The following ACE variants were observed in gnomAD, a reference collection of about 807,000 sequenced individuals.
The protein encoded by ACE is angiotensin-converting enzyme.
Under a neutral mutation model 162.3 loss-of-function variants are expected in ACE, and 122 were observed. That is an observed-to-expected ratio of 0.75 (90% CI 0.65 to 0.87). The LOEUF (loss-of-function observed/expected upper bound fraction) is 0.87. ACE is among the 40% of genes least tolerant of loss of function. The pLI, the probability that ACE is intolerant of heterozygous loss-of-function variation, is 0.00. For synonymous variants in ACE, 796 were observed against 720.6 expected (o/e 1.10, Z -1.68); for missense variants, 1,799 against 1,735.1 (o/e 1.04, Z -0.65).
At chr17:63,485,212 G>C in intron 12 of ACE, 24 bp from the exon 13 acceptor site, 2 of 1,613,968 alleles carry the variant, frequency 1.2e-6, no homozygotes, top group South Asian at 1.1e-5. Flanking sequence ...AGGTTTGTCT[G>C]TTTCCCTGCA....
intron 19 of ACE, among the ~76,000 whole-genome samples, chr17:63,493,021 C>A (rs189405240): frequency 1.3e-5 from 2 of 152,208 alleles, no homozygotes; most frequent in African/African-American, 2.4e-5. Flanking sequence ...CGCCCACTCT[C>A]ACCCCTGACA....
Position 63,484,798 on chromosome 17 carries a change from A to G in ACE, c.1921+257A>G. ...AGGAAGCCAGACACAAGGCTCTGTG[A>G]GGTCACACTGCGGGCTCCGCTCTTA... On this transcript the variant is annotated intron_variant, in intron 12 of 24. Coordinates refer to ENST00000290866, the MANE Select transcript of ACE (RefSeq NM_000789.4). The surrounding 1 kb of genome is among the most constrained non-coding windows in gnomAD (Gnocchi z 4.0). 6.7e-7 allele frequency: 1 copy of G among 1,496,142 alleles called. No homozygotes were observed. The allele number at this position is 1,496,142 out of a possible 1,614,324, so 92.7% of individuals were successfully genotyped here. A position where few individuals can be genotyped will look rare whatever the true frequency, so the allele number is the denominator to read the frequency against.
At chr17:63,480,250 C>T (rs1446223742) in intron 4 of ACE, 87 bp from the exon 5 acceptor site, 7 of 1,441,220 alleles carry the variant, frequency 4.9e-6, no homozygotes, top group Non-Finnish European at 6.7e-6. Context: ...CCACGGGCCT[C>T]GAGCCAGTGG....
intron 5 of ACE, among the ~76,000 whole-genome samples, chr17:63,480,826 G>A (rs988808555): frequency 1.3e-5 from 2 of 152,248 alleles, no homozygotes; most frequent in African/African-American, 2.4e-5. Flanking sequence ...AAGGAAACAA[G>A]CACTGTGGCC....
Position 63,493,673 on chromosome 17 carries a change from G to C in ACE, c.3136+14G>C, listed in dbSNP as rs367949062. On this transcript the variant is annotated intron_variant, in intron 20 of 24. Transcript: ENST00000290866. ...GTGGCAGCGACGGTGAGAGAGAAGC[G>C]GGAGGCCCTGGTGGGCTGAGGACCA... The C allele has an allele frequency of 6.2e-7, 1 of 1,613,156 alleles. No individual in the cohort carries two copies.
intron 21 of ACE, 97 bp from the exon 22 acceptor site, chr17:63,494,275 T>C: frequency 7.6e-7 from 1 of 1,313,298 alleles, no homozygotes; most frequent in Non-Finnish European, 1.1e-6. Context: ...GTGCCCAGTA[T>C]AGCCCCAAGT....
Position 63,482,328 on chromosome 17 carries a change from C to T in ACE, c.1119-138C>T, listed in dbSNP as rs2049723503. 44 of 730,714 alleles carry T rather than the reference C, an allele frequency of 6.0e-5. 1 individual carries two copies. In the South Asian group the frequency reaches 7.0e-4, roughly 12 times the overall value. 45.3% of individuals were successfully genotyped at this position (730,714 alleles called of 1,614,324 possible). On this transcript the variant is annotated intron_variant, in intron 7 of 24. Coordinates refer to ENST00000290866, the MANE Select transcript of ACE (RefSeq NM_000789.4). Reference sequence around the variant, plus strand: ...AAAAAAAAAAGAAAAAAAGAAGTTACTTGTTTCTACTGCGGCTTCATGCCC... The same window carrying T: ...AAAAAAAAAAGAAAAAAAGAAGTTATTTGTTTCTACTGCGGCTTCATGCCC...
At position 63,485,218 on chromosome 17, in the gene ACE, C is replaced by G; in HGVS notation, c.1922-18C>G. Reference sequence around the variant, plus strand: ...GGGAGGCAGAGGTTTGTCTGTTTCCCTGCACTCTGTCCCACAGACCTGGTG... The same window carrying G: ...GGGAGGCAGAGGTTTGTCTGTTTCCGTGCACTCTGTCCCACAGACCTGGTG... On this transcript the variant is annotated intron_variant, in intron 12 of 24. Coordinates refer to ENST00000290866, the MANE Select transcript of ACE (RefSeq NM_000789.4). 1 of 1,613,976 alleles carries G rather than the reference C, an allele frequency of 6.2e-7. No homozygotes were observed. Among genetic ancestry groups the G allele is most frequent in the Non-Finnish European group, 8.5e-7 (1 of 1,179,998 alleles).
At position 63,482,649 on chromosome 17, in the gene ACE, G is replaced by A. The variant is rs1297827633; in HGVS notation, c.1302G>A (p.Leu434=). The A allele has an allele frequency of 2.5e-6, 4 of 1,613,822 alleles. No individual in the cohort carries two copies. In the African/African-American group the frequency reaches 5.3e-5, roughly 22 times the overall value. Residue 434 remains leucine (L), a synonymous_variant, in exon 8 of 25, where the codon CTG becomes CTA. Transcript: ENST00000290866. ...LALSVSTPEH[L]HKIGLLDRVT... is the part of the protein sequence containing the mutation. ...TCTCGGTCTCCACTCCTGAACATCTGCACAAAATCGGCCTGCTGGACCGTG... is the reference window on the plus strand; with the variant it reads ...TCTCGGTCTCCACTCCTGAACATCTACACAAAATCGGCCTGCTGGACCGTG...
At chr17:63,489,779 C>G (rs1320448705) in intron 17 of ACE, 1 of 157,364 alleles carries the variant, frequency 6.4e-6, no homozygotes, top group Non-Finnish European at 1.4e-5. Flanking sequence ...ACCAGACAGG[C>G]CCTCAGACCA....
chr17:63,496,662 C>T, intron 23 of ACE, 136 bp from the exon 24 acceptor site: 1 of 1,575,794 alleles, frequency 6.3e-7, no homozygotes, highest in Non-Finnish European at 8.7e-7. Flanking sequence ...GCCTGATTGC[C>T]ATCTCCTTAG....
chr17:63,488,824 G>C (rs1436691798), intron 16 of ACE, 33 bp downstream of exon 16: 2 of 1,614,050 alleles, frequency 1.2e-6, no homozygotes, highest in Admixed American at 3.3e-5. Flanking sequence ...ACTGGCACTT[G>C]GGTCCCTTCA....
intron 2 of ACE, 175 bp downstream of exon 2, chr17:63,478,273 A>G: frequency 4.9e-6 from 4 of 821,306 alleles, no homozygotes; most frequent in Non-Finnish European, 7.4e-6. Flanking sequence ...TTTCTTGGAG[A>G]TGGGGTGGGG....
In ACE at chr17:63,486,976, C is replaced by A; in HGVS notation, c.2218-10C>A. ...GGAGTACAGCTCATTGCCTCTCCTTCCTCCTGCAGTACAACAAGATCCTGT... is the reference window on the plus strand; with the variant it reads ...GGAGTACAGCTCATTGCCTCTCCTTACTCCTGCAGTACAACAAGATCCTGT... On this transcript the variant is annotated splice_polypyrimidine_tract_variant and intron_variant, in intron 14 of 24. Coordinates refer to ENST00000290866, the MANE Select transcript of ACE (RefSeq NM_000789.4). The A allele has an allele frequency of 6.2e-7, 1 of 1,611,292 alleles. No individual in the cohort carries two copies. Among genetic ancestry groups the A allele is most frequent in the Non-Finnish European group, 8.5e-7 (1 of 1,177,662 alleles).
intron 1 of ACE, chr17:63,477,669 G>T: frequency 1.9e-6 from 1 of 530,642 alleles, no homozygotes; most frequent in Non-Finnish European, 3.4e-6. Flanking sequence ...CACCGTCACC[G>T]CACTGCACTG....
rs1028648590 is a variant in ACE, at chr17:63,478,631, C to G, written c.418-376C>G. 19 of 368,662 alleles carry G rather than the reference C, an allele frequency of 5.2e-5. No individual in the cohort carries two copies. In the Admixed American group the frequency reaches 5.6e-4, roughly 11 times the overall value. The allele number at this position is 368,662 out of a possible 1,614,324, so 22.8% of individuals were successfully genotyped here. A position where few individuals can be genotyped will look rare whatever the true frequency, so the allele number is the denominator to read the frequency against. On this transcript the variant is annotated intron_variant, in intron 2 of 24. Transcript: ENST00000290866. ...TGAGCTGTGATTGCACTACTGCACC[C>G]CAGCCTGCGTGACAGAGTGAGACCT...
At position 63,488,675 on chromosome 17, in the gene ACE, G is replaced by A. The variant is rs771819046; in HGVS notation, c.2333G>A (p.Arg778Gln). Residue 778 changes from arginine (R) to glutamine (Q), a missense_variant, in exon 16 of 25, where the codon CGG (arginine) becomes CAG (glutamine). Transcript: ENST00000290866. ...CTGACGAATGTGATGGCCACGTCCC[G>A]GAAATATGAAGACCTGTTATGGGCA... ...PDLTNVMATS[R>Q]KYEDLLWAWE... 6.2e-6 allele frequency: 10 copies of A among 1,613,262 alleles called. No individual in the cohort carries two copies. The highest frequency in any genetic ancestry group is 1.6e-4 in the Middle Eastern group (1 of 6,084).
Position 63,496,339 on chromosome 17 carries a change from T to C in ACE, c.3381-55T>C, listed in dbSNP as rs536342167. Reference sequence around the variant, plus strand: ...ATGTGCAGAAGGGCCTGGGGCCCAGTGGCACAAGGCCCTCAACCAACTCCG... The same window carrying C: ...ATGTGCAGAAGGGCCTGGGGCCCAGCGGCACAAGGCCCTCAACCAACTCCG... On this transcript the variant is annotated intron_variant, in intron 22 of 24. Coordinates refer to ENST00000290866, the MANE Select transcript of ACE (RefSeq NM_000789.4). 227 of 1,613,170 alleles carry C rather than the reference T, an allele frequency of 1.4e-4. 4 individuals are homozygous for C. The South Asian group carries it at 2.4e-3, about 17-fold the overall frequency.
chr17:63,489,364 G>A (rs1048912728), intron 17 of ACE, among the ~76,000 whole-genome samples: 2 of 152,204 alleles, frequency 1.3e-5, no homozygotes, highest in Non-Finnish European at 2.9e-5. Flanking sequence ...ACCATGGATG[G>A]GGGAAGAAGT....
Sources: allele counts gnomAD v4.1 joint callset (sites outside exome capture counted in the v4.1 genomes callset), GRCh38; gene constraint gnomAD v4.1.1; non-coding constraint Gnocchi (gnomAD v3.1); transcripts MANE v1.5; gene names NCBI Gene and HGNC (gene_info 2026-07-23, HGNC 2026-07-21).